EPHA7: variants seen among roughly 807,000 people sequenced by gnomAD.
EPHA7 encodes the protein EPH receptor A7.
EPHA7 carries 25 observed loss-of-function variants against 112.6 expected under a neutral mutation model. The ratio of observed to expected loss-of-function variants is 0.22; its 90% confidence interval spans 0.16 to 0.31. EPHA7 has a LOEUF of 0.31. Among genes scored for constraint, EPHA7 ranks in the 10% least tolerant of loss-of-function variants. EPHA7 has a pLI of 1.00. For synonymous variants in EPHA7, 437 were observed against 406.5 expected, an observed-to-expected ratio of 1.07 and a Z score of -0.90; for missense variants, 962 against 1,212.6, an observed-to-expected ratio of 0.79 and a Z score of 3.07.
At chr6:93,358,181 T>A in intron 4 of EPHA7, 75 bp downstream of exon 4, 1 of 1,108,380 alleles carries the variant, frequency 9.0e-7, no homozygotes, top group East Asian at 2.9e-5. Context: ...ATTCAATATC[T>A]ATTTCATTGA....
chr6:93,408,867 A>G (rs2127993269), intron 3 of EPHA7, among the ~76,000 whole-genome samples: 1 of 152,164 alleles, frequency 6.6e-6, no homozygotes, highest in East Asian at 1.9e-4. Flanking sequence ...AGTAAAAGAA[A>G]CAGCTGAAAT....
At chr6:93,330,872 T>A (rs1198466963) in intron 5 of EPHA7, among the ~76,000 whole-genome samples, 1 of 151,378 alleles carries the variant, frequency 6.6e-6, no homozygotes, top group Non-Finnish European at 1.5e-5. Context: ...ACCTTGGGTA[T>A]CAGCTGAGAA....
chr6:93,254,721 A>G lies in EPHA7; in HGVS notation c.2458T>C (p.Trp820Arg). 10 of 1,613,642 alleles carry G rather than the reference A, an allele frequency of 6.2e-6. No homozygotes were observed. The highest frequency in any genetic ancestry group is 8.5e-6 in the Non-Finnish European group (10 of 1,179,696). ...TCCCACATGACTATTCCATAGCTCCATACATCACTGGCTGATGTGAATTTC... is the reference window on the plus strand; with the variant it reads ...TCCCACATGACTATTCCATAGCTCCGTACATCACTGGCTGATGTGAATTTC... ...YRKFTSASDV[W>R]SYGIVMWEVM... Residue 820 changes from tryptophan (W) to arginine (R), a missense_variant, in exon 14 of 17, where the codon TGG becomes CGG. By Grantham distance (101) the Trp-to-Arg change is moderately radical. This residue lies in a region of EPHA7 where 746 missense variants were observed against 889.2 expected (regional missense o/e 0.84). Coordinates refer to ENST00000369303, the MANE Select transcript of EPHA7 (RefSeq NM_004440.4).
At chr6:93,284,457 G>A (rs1040278720) in intron 5 of EPHA7, among the ~76,000 whole-genome samples, 1 of 152,028 alleles carries the variant, frequency 6.6e-6, no homozygotes, top group Admixed American at 6.5e-5. Flanking sequence ...GCAGCAGCAG[G>A]GGGAGAAGGA....
chr6:93,405,807 G>A (rs796250769), intron 3 of EPHA7, among the ~76,000 whole-genome samples: 4,030 of 66,912 alleles, frequency 0.06, 100 homozygotes, highest in East Asian at 0.15. Context: ...GTGTGTGTGT[G>A]TGTGTGTATA....
In EPHA7 at chr6:93,254,667, A is replaced by T. The variant is rs1273984232; in HGVS notation, c.2512T>A (p.Trp838Arg). 1 of 1,612,756 alleles carries T rather than the reference A, an allele frequency of 6.2e-7. No individual in the cohort carries two copies. Reference sequence around the variant, plus strand: ...CCTACATCTTGATTTGACATGTCCCAATAAGGTCTTTCTCCATAAGACATA... The same window carrying T: ...CCTACATCTTGATTTGACATGTCCCTATAAGGTCTTTCTCCATAAGACATA... ...EVMSYGERPY[W>R]DMSNQDVIKA... Residue 838 changes from tryptophan (W) to arginine (R), a missense_variant, in exon 14 of 17, where the codon TGG becomes AGG. Physicochemically the swap from Trp to Arg is moderately radical, Grantham distance 101. This residue lies in a region of EPHA7 where 746 missense variants were observed against 889.2 expected (regional missense o/e 0.84). Transcript: ENST00000369303.
intron 5 of EPHA7, among the ~76,000 whole-genome samples, chr6:93,328,435 A>G (rs1774430452): frequency 6.6e-6 from 1 of 151,518 alleles, no homozygotes; most frequent in African/African-American, 2.4e-5. Context: ...ATATCTTTGA[A>G]TGATACAACA....
intron 5 of EPHA7, among the ~76,000 whole-genome samples, chr6:93,277,390 A>T (rs1771520225): frequency 6.6e-6 from 1 of 152,008 alleles, no homozygotes; most frequent in Non-Finnish European, 1.5e-5. Flanking sequence ...GACATACATA[A>T]AAAATGCTAA....
chr6:93,404,655 A>G (rs201352513), intron 3 of EPHA7, among the ~76,000 whole-genome samples: 1 of 141,876 alleles, frequency 7.0e-6, no homozygotes, highest in Non-Finnish European at 1.6e-5. Context: ...GTTTAGAGAG[A>G]GGGAGAGAGA....
chr6:93,383,001 T>C (rs1018292430), intron 3 of EPHA7, among the ~76,000 whole-genome samples: 2 of 152,138 alleles, frequency 1.3e-5, no homozygotes, highest in African/African-American at 4.8e-5. Flanking sequence ...AATCAACAAG[T>C]CTTTATCCTG....
At chr6:93,250,334 A>C (rs953396321) in intron 14 of EPHA7, among the ~76,000 whole-genome samples, 4 of 152,176 alleles carry the variant, frequency 2.6e-5, no homozygotes, top group Non-Finnish European at 5.9e-5. Flanking sequence ...TTTCTTGTTA[A>C]ATATGCAACT....
At chr6:93,405,809 GTGTGTATATATATATATATATATA>G (rs976264903) in intron 3 of EPHA7, among the ~76,000 whole-genome samples, 2 of 61,624 alleles carry the variant, frequency 3.2e-5, no homozygotes, top group African/African-American at 1.7e-4. Context: ...GTGTGTGTGT[GTGTGTATATATATATATATATATA>G]TATATATATA....
At chr6:93,408,567 C>T (rs962968384) in intron 3 of EPHA7, among the ~76,000 whole-genome samples, 12 of 152,150 alleles carry the variant, frequency 7.9e-5, no homozygotes, top group Non-Finnish European at 5.9e-5. Context: ...TTGACTCCTT[C>T]AGGGACATAA....
At chr6:93,352,871 T>C (rs960031610) in intron 5 of EPHA7, among the ~76,000 whole-genome samples, 4 of 151,824 alleles carry the variant, frequency 2.6e-5, no homozygotes. Flanking sequence ...TACTTATAAG[T>C]GGGAGCTAAA....
chr6:93,305,269 C>A (rs1261820602), intron 5 of EPHA7, among the ~76,000 whole-genome samples: 4 of 146,304 alleles, frequency 2.7e-5, no homozygotes, highest in East Asian at 4.0e-4. Flanking sequence ...AGTAAAAGAC[C>A]AAAATAAAAG....
intron 3 of EPHA7, among the ~76,000 whole-genome samples, chr6:93,377,802 C>T (rs534974610): frequency 6.6e-6 from 1 of 152,130 alleles, no homozygotes; most frequent in Non-Finnish European, 1.5e-5. Context: ...TGTGTCAAAT[C>T]GTTATCATAC....
chr6:93,372,793 G>C (rs1776865125), intron 3 of EPHA7, among the ~76,000 whole-genome samples: 1 of 152,050 alleles, frequency 6.6e-6, no homozygotes, highest in African/African-American at 2.4e-5. Context: ...AACAGCCTAA[G>C]TGCTATTCAA....
rs759447453 is a variant in EPHA7 at position 93,410,453 on chromosome 6, T to C, written c.832+48A>G. On this transcript the variant is annotated intron_variant, in intron 3 of 16. Coordinates refer to ENST00000369303, the MANE Select transcript of EPHA7 (RefSeq NM_004440.4). This position sits in a 1 kb window ranked among gnomAD's most constrained non-coding sequence, Gnocchi z 4.0. Reference sequence around the variant, plus strand: ...TATTAAAGTTTAAAATGTCTGATACTGAAATTTAAAAAGGCAAAGTGGAGT... The same window carrying C: ...TATTAAAGTTTAAAATGTCTGATACCGAAATTTAAAAAGGCAAAGTGGAGT... 2 of 1,518,182 alleles carry C rather than the reference T, an allele frequency of 1.3e-6. No individual in the cohort carries two copies. 94.0% of individuals were successfully genotyped at this position (1,518,182 alleles called of 1,614,324 possible). A position where few individuals can be genotyped will look rare whatever the true frequency, so the allele number is the denominator to read the frequency against.
At position 93,350,643 on chromosome 6, in the gene EPHA7, T is replaced by C. The variant is rs1655090382; in HGVS notation, c.1324+6074A>G. On this transcript the variant is annotated intron_variant, in intron 5 of 16. Transcript: ENST00000369303. ...ACTCTAAAGAGACCTTTGAAGATAG[T>C]TGAGATGTCTCCACACCCTGATGGC... Among the ~76,000 whole-genome samples the C allele has an allele frequency of 2.6e-5, 4 of 152,046 alleles. No individual in the cohort carries two copies. In the South Asian group the frequency reaches 8.3e-4, roughly 31 times the overall value.
Sources: gnomAD v4.1 joint callset for allele counts (sites outside exome capture counted in the v4.1 genomes callset) on GRCh38, gnomAD v4.1.1 for gene constraint, gnomAD v4.1.1 regional missense constraint, Gnocchi (gnomAD v3.1) non-coding constraint, MANE v1.5 for transcripts, NCBI Gene and HGNC (gene_info 2026-07-23, HGNC 2026-07-21) for gene names.